The following PHLDB2 variants were observed in gnomAD, a reference collection of about 807,000 sequenced individuals.
PHLDB2 encodes the protein pleckstrin homology-like domain family B member 2.
A neutral mutation model predicts 123.6 loss-of-function variants in PHLDB2; 71 were observed. The observed-to-expected ratio is 0.57, with a 90% CI of 0.47 to 0.70. PHLDB2 has a LOEUF of 0.70. Ranked by LOEUF, PHLDB2 falls within the 30% of genes least tolerant of loss-of-function variation. PHLDB2 has a pLI of 0.00. For synonymous variants in PHLDB2, 547 were observed against 541.6 expected (o/e 1.01, Z -0.14); for missense variants, 1,446 against 1,519.5 (o/e 0.95, Z 0.80).
intron 5 of PHLDB2, among the ~76,000 whole-genome samples, chr3:111,930,781 A>G (rs558376759): frequency 2.6e-5 from 4 of 152,330 alleles, no homozygotes; most frequent in African/African-American, 9.6e-5. Context: ...TTGAAGATCG[A>G]AGAAATTTTC....
At chr3:111,885,955 G>T (rs956398579) in intron 2 of PHLDB2, among the ~76,000 whole-genome samples, 5 of 152,120 alleles carry the variant, frequency 3.3e-5, no homozygotes. Context: ...TTCTTATCAC[G>T]TACAGTGATT....
intron 1 of PHLDB2, among the ~76,000 whole-genome samples, chr3:111,870,825 TC>T (rs542636140): frequency 6.8e-4 from 103 of 152,252 alleles, no homozygotes; most frequent in Middle Eastern, 3.4e-3. Context: ...ATTGTAAACA[TC>T]AGTGCTGAAA....
Position 111,952,583 on chromosome 3 carries a change from T to C in PHLDB2, c.2643T>C (p.Ser881=), listed in dbSNP as rs1204632692. 1 of 1,612,922 alleles carries C rather than the reference T, an allele frequency of 6.2e-7. No individual in the cohort carries two copies. The highest frequency in any genetic ancestry group is 1.7e-5 in the Admixed American group (1 of 59,770). The change falls in exon 11 of 18, where the codon AGT becomes AGC. Residue 881 remains serine, a synonymous_variant. Transcript: ENST00000431670. ...SQPQSKEHFR[S]LEERKKQHKE... ...ATTTGCATTTAAAGCACTTTAGAAG[T>C]CTGGAAGAAAGGAAAAAACAGCATA...
upstream of PHLDB2, among the ~76,000 whole-genome samples, chr3:111,857,461 A>AAAAAGG (rs774235094): frequency 5.6e-5 from 1 of 17,720 alleles, no homozygotes; most frequent in African/African-American, 6.4e-5. Flanking sequence ...AAAAAAAAAA[A>AAAAAGG]AAAGAAAAGA....
intron 2 of PHLDB2, among the ~76,000 whole-genome samples, chr3:111,905,024 A>G (rs906069782): frequency 6.6e-6 from 1 of 152,210 alleles, no homozygotes. Flanking sequence ...TCCTATTCAC[A>G]CTGGCCACTA....
At chr3:111,868,399 G>C (rs532059143) in intron 1 of PHLDB2, among the ~76,000 whole-genome samples, 2 of 151,958 alleles carry the variant, frequency 1.3e-5, no homozygotes, top group Non-Finnish European at 2.9e-5. Flanking sequence ...ATTGGTATGC[G>C]CCCTCAGTCT....
Position 111,742,579 on chromosome 3 carries a change from C to T in PHLDB2, c.-49+9876C>T, listed in dbSNP as rs983725405. 4.6e-5 allele frequency among the ~76,000 whole-genome samples: 7 copies of T among 151,696 alleles called. No homozygotes were observed. The East Asian group carries it at 5.8e-4, about 13-fold the overall frequency. ...TGCGGTGTTTGGTTTTTTGTCCTTG[C>T]GATAGTTTGCTGAGAATGATGGTTT... On this transcript the variant is annotated intron_variant, in intron 1 of 17. Coordinates refer to the PHLDB2 transcript ENST00000393923.
chr3:111,962,463 T>C, intron 13 of PHLDB2, 151 bp downstream of exon 13: 4 of 639,490 alleles, frequency 6.3e-6, no homozygotes, highest in Non-Finnish European at 1.0e-5. Context: ...GGTATCATGA[T>C]GGCCTTTGAA....
At chr3:111,744,275 A>C (rs1432811831) in intron 1 of PHLDB2, among the ~76,000 whole-genome samples, 1 of 152,198 alleles carries the variant, frequency 6.6e-6, no homozygotes, top group African/African-American at 2.4e-5. Context: ...GATTGGCAAT[A>C]ATTGAGTAAT....
At chr3:111,790,572 C>T (rs1418739400) in intron 1 of PHLDB2, among the ~76,000 whole-genome samples, 1 of 152,118 alleles carries the variant, frequency 6.6e-6, no homozygotes, top group African/African-American at 2.4e-5. Flanking sequence ...TGTTTGTGGC[C>T]ACCTAAGCAC....
intron 1 of PHLDB2, among the ~76,000 whole-genome samples, chr3:111,764,596 C>A (rs1158297799): frequency 6.6e-6 from 1 of 152,076 alleles, no homozygotes; most frequent in Non-Finnish European, 1.5e-5. Flanking sequence ...AAAAAATACC[C>A]CACTGATCTT....
Position 111,845,794 on chromosome 3 carries a change from G to T in PHLDB2, c.-48-27G>T, listed in dbSNP as rs200623527. 2.7e-4 allele frequency: 433 copies of T among 1,611,022 alleles called. 5 individuals carry two copies. The South Asian group carries it at 3.8e-3, about 14-fold the overall frequency. ...AGGTCAATTCAGCTTTCCAATCATG[G>T]TACCTCTCTTTTCTTGCTGTGTGCA... On this transcript the variant is annotated intron_variant, in intron 1 of 17. Transcript: ENST00000393923.
intron 2 of PHLDB2, among the ~76,000 whole-genome samples, chr3:111,911,055 C>T (rs371109439): frequency 3.3e-5 from 5 of 152,324 alleles, no homozygotes; most frequent in African/African-American, 1.2e-4. Flanking sequence ...TAGCATTCAT[C>T]TTAAGGCTGG....
chr3:111,860,276 G>C (rs1212039172), intron 1 of PHLDB2, among the ~76,000 whole-genome samples: 3 of 152,162 alleles, frequency 2.0e-5, no homozygotes. Context: ...GGCTAGCTGC[G>C]CTTCTAGTTC....
At chr3:111,826,106 C>T (rs921184682) in intron 1 of PHLDB2, among the ~76,000 whole-genome samples, 8 of 151,562 alleles carry the variant, frequency 5.3e-5, no homozygotes, top group African/African-American at 1.9e-4. Flanking sequence ...GTTCGAGACC[C>T]ACCTGGCCAA....
intron 1 of PHLDB2, among the ~76,000 whole-genome samples, chr3:111,873,346 A>G (rs2065439667): frequency 6.6e-6 from 1 of 152,220 alleles, no homozygotes; most frequent in Non-Finnish European, 1.5e-5. Context: ...TCTGTATTGT[A>G]GTTTAATACT....
At chr3:111,775,065 GATA>G (rs1360149718) in intron 1 of PHLDB2, among the ~76,000 whole-genome samples, 1 of 152,170 alleles carries the variant, frequency 6.6e-6, no homozygotes, top group Non-Finnish European at 1.5e-5. Context: ...CTAATAATGA[GATA>G]ATAATCATAG....
chr3:111,854,005 G>A (rs1258324742), intron 2 of PHLDB2, among the ~76,000 whole-genome samples: 1 of 152,188 alleles, frequency 6.6e-6, no homozygotes, highest in Non-Finnish European at 1.5e-5. Flanking sequence ...CCTGAGACTG[G>A]GTAACTTATA....
intron 1 of PHLDB2, among the ~76,000 whole-genome samples, chr3:111,807,222 G>C (rs187907521): frequency 3.9e-4 from 60 of 152,204 alleles, no homozygotes; most frequent in Admixed American, 1.3e-3. Context: ...TAGCTCTGTT[G>C]TGAGGAATAA....
Sources: gnomAD v4.1 joint callset for allele counts (sites outside exome capture counted in the v4.1 genomes callset) on GRCh38, gnomAD v4.1.1 for gene constraint, MANE v1.5 for transcripts, NCBI Gene and HGNC (gene_info 2026-07-23, HGNC 2026-07-21) for gene names.